SCARA5: variants seen among roughly 807,000 people sequenced by gnomAD.
The protein encoded by SCARA5 is scavenger receptor class A, member 5 (putative).
SCARA5 carries 45 observed loss-of-function variants against 46.3 expected under a neutral mutation model. The ratio of observed to expected loss-of-function variants is 0.97; its 90% confidence interval spans 0.76 to 1.24. The LOEUF is 1.24. SCARA5 is among the 50% of genes most tolerant of loss of function. The pLI is 0.00. For missense variants in SCARA5, 680 were observed against 689.0 expected (o/e 0.99, Z 0.15); for synonymous variants, 333 against 306.5 (o/e 1.09, Z -0.90).
intron 3 of SCARA5, among the ~76,000 whole-genome samples, chr8:27,964,744 A>G (rs1431254050): frequency 6.6e-6 from 1 of 152,056 alleles, no homozygotes; most frequent in East Asian, 1.9e-4. Flanking sequence ...CTCTTCCCCA[A>G]GAGACGATGC....
At chr8:27,977,147 C>T (rs1808537609) in intron 2 of SCARA5, among the ~76,000 whole-genome samples, 1 of 152,204 alleles carries the variant, frequency 6.6e-6, no homozygotes, top group African/African-American at 2.4e-5. Context: ...CCGCTGGGGT[C>T]CCTTTTATAA....
chr8:27,945,837 G>C (rs1808027707), intron 3 of SCARA5, among the ~76,000 whole-genome samples: 1 of 152,148 alleles, frequency 6.6e-6, no homozygotes. Context: ...AGCTTGATGA[G>C]ATTATTAGCT....
At chr8:27,964,749 C>T (rs1013057920) in intron 3 of SCARA5, among the ~76,000 whole-genome samples, 2 of 152,068 alleles carry the variant, frequency 1.3e-5, no homozygotes, top group South Asian at 2.1e-4. Context: ...CCCCAAGAGA[C>T]GATGCCCTTC....
rs750518462 is a variant in SCARA5 at position 27,921,599 on chromosome 8, G to A, written c.888C>T (p.Ile296=). 24 of 1,583,220 alleles carry A rather than the reference G, an allele frequency of 1.5e-5. No individual in the cohort carries two copies. The Middle Eastern group carries it at 5.1e-4, about 34-fold the overall frequency. The part of the protein sequence containing the change: ...DLRLKDWEHS[I]ALRNISLAKG... ...TCGCGAGGGAGATGTTCCGCAGTGC[G>A]ATGGAGTGCTCCCAGTCCTTGAGGC... Residue 296 remains isoleucine (I), a synonymous_variant, in exon 4 of 9, where the codon ATC becomes ATT. Transcript: ENST00000354914.
At chr8:27,989,129 C>CTTTTTTTTTTTTTTTTTTTTTTT (rs34929623) in intron 1 of SCARA5, among the ~76,000 whole-genome samples, 3 of 68,314 alleles carry the variant, frequency 4.4e-5, no homozygotes, top group African/African-American at 1.8e-4. Context: ...TTCTTTCTTT[C>CTTTTTTTTTTTTTTTTTTTTTTT]TTTTTTTTTT....
chr8:27,968,818 C>A (rs1331503827), intron 2 of SCARA5, among the ~76,000 whole-genome samples: 1 of 152,070 alleles, frequency 6.6e-6, no homozygotes, highest in East Asian at 1.9e-4. Context: ...GGTCAATGTG[C>A]AATGATGTCT....
chr8:27,890,354 G>A (rs4601272), intron 7 of SCARA5, among the ~76,000 whole-genome samples: 64,560 of 152,088 alleles, frequency 0.42, 15,008 homozygotes, highest in African/African-American at 0.61. Flanking sequence ...CCCAGGGTGG[G>A]GCAGGCTGGC....
At chr8:27,892,850 C>T (rs1387171623) in intron 7 of SCARA5, among the ~76,000 whole-genome samples, 1 of 152,164 alleles carries the variant, frequency 6.6e-6, no homozygotes, top group Non-Finnish European at 1.5e-5. Flanking sequence ...TCGTGATCCG[C>T]CTGCCTGGGC....
chr8:27,990,882 G>A (rs908757919), intron 1 of SCARA5, among the ~76,000 whole-genome samples: 32 of 152,220 alleles, frequency 2.1e-4, no homozygotes, highest in Admixed American at 1.2e-3. Context: ...ACAGGGAGGT[G>A]TCACCCTCTC....
intron 4 of SCARA5, among the ~76,000 whole-genome samples, chr8:27,917,273 G>A (rs910596029): frequency 6.6e-6 from 1 of 152,166 alleles, no homozygotes; most frequent in African/African-American, 2.4e-5. Context: ...AACTTAGTTT[G>A]AGGACCAAAG....
rs779521092 is a variant in SCARA5 at position 27,921,629 on chromosome 8, G to A, written c.858C>T (p.Asp286=). ...AGTGCTCCCAGTCCTTGAGGCGCAG[G>A]TCCTCGGTGACCGCGTTGAGCATGG... The part of the protein sequence containing the change: ...ELAMLNAVTE[D]LRLKDWEHSI... The change falls in exon 4 of 9, where the codon GAC becomes GAT. Residue 286 remains aspartate, a synonymous_variant. Coordinates refer to ENST00000354914, the MANE Select transcript of SCARA5 (RefSeq NM_173833.6). 1.9e-6 allele frequency: 3 copies of A among 1,601,576 alleles called. No homozygotes were observed. Among genetic ancestry groups the A allele is most frequent in the Non-Finnish European group, 2.6e-6 (3 of 1,173,304 alleles).
chr8:27,988,160 C>T (rs1808732929), intron 1 of SCARA5, among the ~76,000 whole-genome samples: 1 of 152,160 alleles, frequency 6.6e-6, no homozygotes, highest in African/African-American at 2.4e-5. Flanking sequence ...AGGACTGCTC[C>T]CAAATCCAAC....
chr8:27,991,888 CAT>C (rs1236597793), intron 1 of SCARA5, among the ~76,000 whole-genome samples: 4 of 151,748 alleles, frequency 2.6e-5, no homozygotes, highest in Non-Finnish European at 5.9e-5. Context: ...CACACACACA[CAT>C]GCACACACAC....
rs111455590 is a variant in SCARA5, at chr8:27,987,642, G to A, written c.-15-12C>T. Reference sequence around the variant, plus strand: ...ACACCCTGCAACAGCTGCAGAGAAGGCAAGAGGGGAGGAGAGGGAGGACGA... The same window carrying A: ...ACACCCTGCAACAGCTGCAGAGAAGACAAGAGGGGAGGAGAGGGAGGACGA... On this transcript the variant is annotated splice_polypyrimidine_tract_variant and intron_variant, in intron 1 of 8. Transcript: ENST00000354914. 8.6e-6 allele frequency: 13 copies of A among 1,514,230 alleles called. No individual in the cohort carries two copies. Among genetic ancestry groups the A allele is most frequent in the African/African-American group, 4.1e-5 (3 of 72,892 alleles). The allele number at this position is 1,514,230 out of a possible 1,614,324, so 93.8% of individuals were successfully genotyped here. A position where few individuals can be genotyped will look rare whatever the true frequency, so the allele number is the denominator to read the frequency against.
At chr8:27,892,901 C>G (rs1055735530) in intron 7 of SCARA5, among the ~76,000 whole-genome samples, 1 of 152,206 alleles carries the variant, frequency 6.6e-6, no homozygotes, top group Admixed American at 6.5e-5. Flanking sequence ...CCACCGCACC[C>G]AGCCTCTCAC....
At chr8:27,963,831 A>G (rs1025509432) in intron 3 of SCARA5, among the ~76,000 whole-genome samples, 2 of 152,176 alleles carry the variant, frequency 1.3e-5, no homozygotes, top group African/African-American at 4.8e-5. Context: ...CTAATCCCAT[A>G]TTCAGATATG....
intron 3 of SCARA5, among the ~76,000 whole-genome samples, chr8:27,944,905 C>T (rs1056597779): frequency 2.0e-5 from 3 of 152,068 alleles, no homozygotes; most frequent in Admixed American, 2.0e-4. Flanking sequence ...GTGACTCATG[C>T]TTGTAATCCC....
intron 3 of SCARA5, among the ~76,000 whole-genome samples, chr8:27,931,415 G>A (rs2129843687): frequency 6.7e-6 from 1 of 148,402 alleles, no homozygotes; most frequent in East Asian, 2.1e-4. Flanking sequence ...CCACCCCCTC[G>A]CCACCCCAGA....
chr8:27,922,296 C>A, intron 3 of SCARA5, 51 bp from the exon 4 acceptor site: 1 of 1,377,868 alleles, frequency 7.3e-7, no homozygotes, highest in East Asian at 2.6e-5. Context: ...AGGAAGGCCC[C>A]GGGTGACAAG....
Sources: gnomAD v4.1 joint callset for allele counts (sites outside exome capture counted in the v4.1 genomes callset) on GRCh38, gnomAD v4.1.1 for gene constraint, MANE v1.5 for transcripts, NCBI Gene and HGNC (gene_info 2026-07-23, HGNC 2026-07-21) for gene names.